The following BCAM variants were observed in gnomAD, a reference collection of about 807,000 sequenced individuals.
The protein encoded by BCAM is basal cell adhesion molecule.
In BCAM, 61 loss-of-function variants were observed where a neutral mutation model predicts 72.4. The observed-to-expected ratio is 0.84, with a 90% confidence interval of 0.69 to 1.04. The LOEUF is 1.04. Ranked by LOEUF, BCAM falls within the 50% of genes least tolerant of loss-of-function variation. BCAM has a pLI of 0.00. For synonymous variants in BCAM, 408 were observed against 384.2 expected (o/e 1.06, Z -0.73); for missense variants, 909 against 895.0 (o/e 1.02, Z -0.20).
In BCAM at chr19:44,820,708, GC is replaced by G; in HGVS notation, c.1769del (p.Pro590GlnfsTer6). ...GCCCGCTGCCTCCTCCCCCCAGGCCGCCAGGGGAGCCAGGGCTGAGCCACTC... is the reference window on the plus strand; with the variant it reads ...GCCCGCTGCCTCCTCCCCCCAGGCCGCAGGGGAGCCAGGGCTGAGCCACTC... ...RQRREKGAPP[P>X]GEPGLSHSGS... On this transcript the variant is annotated frameshift_variant, in exon 14 of 15. Coordinates refer to ENST00000270233, the MANE Select transcript of BCAM (RefSeq NM_005581.5). LOFTEE classifies it high-confidence loss of function. 7.2e-7 allele frequency: 1 copy of G among 1,380,532 alleles called. No homozygotes were observed. The highest frequency in any genetic ancestry group is 1.8e-5 in the South Asian group (1 of 55,418). 85.5% of individuals were successfully genotyped at this position (1,380,532 alleles called of 1,614,324 possible). A position where few individuals can be genotyped will look rare whatever the true frequency, so the allele number is the denominator to read the frequency against.
chr19:44,811,205 G>A lies in BCAM; in HGVS notation c.83-20G>A, dbSNP rs1968414327. The A allele has an allele frequency of 1.9e-6, 3 of 1,611,406 alleles. No individual in the cohort carries two copies. The highest frequency in any genetic ancestry group is 2.5e-6 in the Non-Finnish European group (3 of 1,179,656). On this transcript the variant is annotated intron_variant, in intron 1 of 14. Coordinates refer to ENST00000270233, the MANE Select transcript of BCAM (RefSeq NM_005581.5). ...CTTCCTGTTGGTGTGGTGGATGATA[G>A]CTCAGTTGCTCTCTTGCAGATGCCC...
Position 44,818,473 on chromosome 19 carries a change from TTGAG to T in BCAM, c.1079-46_1079-43del. 6.5e-7 allele frequency: 1 copy of T among 1,538,000 alleles called. No homozygotes were observed. Among genetic ancestry groups the T allele is most frequent in the South Asian group, 1.1e-5 (1 of 88,036 alleles). On this transcript the variant is annotated intron_variant, in intron 8 of 14. Coordinates refer to ENST00000270233, the MANE Select transcript of BCAM (RefSeq NM_005581.5). This position sits in a 1 kb window ranked among gnomAD's most constrained non-coding sequence, Gnocchi z 4.6. ...CCGACCGCCCCTGGAGAGCCCCTAA[TTGAG>T]TGGGTGGCGGTCTGGGACGAGTGAC...
In BCAM at chr19:44,818,083, A is replaced by G. The variant is rs1234106334; in HGVS notation, c.1079-439A>G. ...CAAGACAGGAGGATCACTTGAGGCC[A>G]GGAGTTTGAGACCCAGCCTGGCCAA... On this transcript the variant is annotated intron_variant, in intron 8 of 14. Transcript: ENST00000270233. The surrounding 1 kb of genome is among the most constrained non-coding windows in gnomAD (Gnocchi z 4.6). Among the ~76,000 whole-genome samples the G allele has an allele frequency of 6.6e-6, 1 of 152,198 alleles. No individual in the cohort carries two copies. The highest frequency in any genetic ancestry group is 1.5e-5 in the Non-Finnish European group (1 of 68,026).
At position 44,809,154 on chromosome 19, in the gene BCAM, G is replaced by A. The variant is rs749242205; in HGVS notation, c.30G>A (p.Ala10=). The A allele has an allele frequency of 1.4e-6, 2 of 1,473,062 alleles. No individual in the cohort carries two copies. The highest frequency in any genetic ancestry group is 2.3e-5 in the Admixed American group (1 of 42,706). The allele number at this position is 1,473,062 out of a possible 1,614,324, so 91.2% of individuals were successfully genotyped here. Residue 10 remains alanine (A), a synonymous_variant, in exon 1 of 15, where the codon GCG becomes GCA. Coordinates refer to ENST00000270233, the MANE Select transcript of BCAM (RefSeq NM_005581.5). Reference sequence around the variant, plus strand: ...AGCCCCCGGACGCACCGGCCCAGGCGCGCGGGGCCCCGCGGCTGCTGTTGC... The same window carrying A: ...AGCCCCCGGACGCACCGGCCCAGGCACGCGGGGCCCCGCGGCTGCTGTTGC... The part of the protein sequence containing the change: MEPPDAPAQ[A]RGAPRLLLLA...
chr19:44,820,057 T>G, intron 13 of BCAM: 1 of 1,181,166 alleles, frequency 8.5e-7, no homozygotes. Context: ...CCCAACTCCA[T>G]GCCTGTCTCC....
In BCAM at chr19:44,819,077, C is replaced by T. The variant is rs766822712; in HGVS notation, c.1358C>T (p.Ala453Val). 3.0e-5 allele frequency: 48 copies of T among 1,613,902 alleles called. No individual in the cohort carries two copies. The highest frequency in any genetic ancestry group is 2.2e-4 in the South Asian group (20 of 91,078). The change falls in exon 11 of 15, where the codon GCG (alanine) becomes GTG (valine). Residue 453 changes from alanine (A) to valine (V), a missense_variant. Ala to Val is a moderately conservative substitution (Grantham distance 64). Coordinates refer to ENST00000270233, the MANE Select transcript of BCAM (RefSeq NM_005581.5). ...ACAGGCTCGCCAGAGCTAAAGACAG[C>T]GGAAATAGAGCCCAAGGCAGATGGC... is the stretch of plus-strand genomic sequence containing the variant. ...LVQGSPELKT[A>V]EIEPKADGSW...
At chr19:44,816,676 C>T (rs1968506948) in intron 8 of BCAM, among the ~76,000 whole-genome samples, 1 of 152,074 alleles carries the variant, frequency 6.6e-6, no homozygotes, top group Non-Finnish European at 1.5e-5. Flanking sequence ...CAGTGGCTCA[C>T]ACCTGTAATC....
At chr19:44,809,885 G>T (rs1483893094) in intron 1 of BCAM, among the ~76,000 whole-genome samples, 2 of 150,274 alleles carry the variant, frequency 1.3e-5, no homozygotes, top group African/African-American at 4.9e-5. Flanking sequence ...GGGGGTGGGG[G>T]TGCTGGGGAC....
Position 44,812,502 on chromosome 19 carries a change from C to A in BCAM, c.458C>A (p.Ser153Tyr). ...VFAKPEATEV[S>Y]PNKGTLSVME... ...GCAAAGCCAGAGGCCACTGAGGTCT[C>A]CCCCAACAAAGGGACACTGTCTGTG... The change falls in exon 4 of 15, where the codon TCC (serine) becomes TAC (tyrosine). Residue 153 changes from serine to tyrosine, a missense_variant. Transcript: ENST00000270233. The surrounding 1 kb of genome is among the most constrained non-coding windows in gnomAD (Gnocchi z 5.3). The A allele has an allele frequency of 6.2e-7, 1 of 1,614,232 alleles. No individual in the cohort carries two copies. The highest frequency in any genetic ancestry group is 8.5e-7 in the Non-Finnish European group (1 of 1,180,046).
rs146875539 is a variant in BCAM, at chr19:44,816,564, G to A, written c.1078+1804G>A. Among the ~76,000 whole-genome samples, 62 of 152,226 alleles carry A rather than the reference G, an allele frequency of 4.1e-4. 1 individual carries two copies. The highest frequency in any genetic ancestry group is 1.3e-3 in the African/African-American group (52 of 41,502). On this transcript the variant is annotated intron_variant, in intron 8 of 14. Transcript: ENST00000270233. ...AGCAGCTGGTGGAATAAGTCCTTCC[G>A]TGCTGTAGGAAAGATCTGGGTGTCC...
At position 44,812,008 on chromosome 19, in the gene BCAM, G is replaced by A. The variant is rs757998317; in HGVS notation, c.205-155G>A. The A allele has an allele frequency of 5.8e-5, 41 of 707,244 alleles. No individual in the cohort carries two copies. Among genetic ancestry groups the A allele is most frequent in the Admixed American group, 8.6e-5 (3 of 34,942 alleles). 43.8% of individuals were successfully genotyped at this position (707,244 alleles called of 1,614,324 possible). On this transcript the variant is annotated intron_variant, in intron 2 of 14. Coordinates refer to ENST00000270233, the MANE Select transcript of BCAM (RefSeq NM_005581.5). This position sits in a 1 kb window ranked among gnomAD's most constrained non-coding sequence, Gnocchi z 5.3. ...AAATCAAGAACTGATAGGGAATGGG[G>A]GCAGGAGAAGGTGGGGAGGGACAGA...
Position 44,818,522 on chromosome 19 carries a change from A to G in BCAM, c.1079A>G (p.Tyr360Cys). Residue 360 changes from tyrosine to cysteine, a missense_variant and splice_region_variant, in exon 9 of 15, where the codon TAT becomes TGT. Physicochemically the swap from Tyr to Cys is radical, Grantham distance 194. Transcript: ENST00000270233. The surrounding 1 kb of genome is among the most constrained non-coding windows in gnomAD (Gnocchi z 4.6). ...AGTGACAGACTGTCCCCCACTGCAG[A>G]TCTGGACCCCCTGGAGCTCAGCGAG... ...LSKTLELRVAYLDPLELSEGK... is the reference protein window; with the variant it reads ...LSKTLELRVACLDPLELSEGK... The G allele has an allele frequency of 6.2e-7, 1 of 1,613,516 alleles. No individual in the cohort carries two copies. Among genetic ancestry groups the G allele is most frequent in the Non-Finnish European group, 8.5e-7 (1 of 1,179,722 alleles).
At chr19:44,819,777 C>T (rs372961399) in intron 13 of BCAM, 51 bp downstream of exon 13, 191 of 1,515,736 alleles carry the variant, frequency 1.3e-4, no homozygotes, top group Non-Finnish European at 1.6e-4. Flanking sequence ...CCCATCCCCA[C>T]CCTCAACCCC....
chr19:44,815,253 C>A (rs1968489818), intron 8 of BCAM, among the ~76,000 whole-genome samples: 1 of 152,188 alleles, frequency 6.6e-6, no homozygotes, highest in Non-Finnish European at 1.5e-5. Flanking sequence ...CACTGCCCAT[C>A]CTTCCTACCG....
At position 44,812,264 on chromosome 19, in the gene BCAM, C is replaced by T. The variant is rs1968432956; in HGVS notation, c.306C>T (p.Tyr102=). 2.5e-6 allele frequency: 4 copies of T among 1,610,410 alleles called. No individual in the cohort carries two copies. Among genetic ancestry groups the T allele is most frequent in the Non-Finnish European group, 3.4e-6 (4 of 1,178,042 alleles). ...MHDTRGRSPP[Y]QLDSQGRLVL... ...ACACCCGGGGCCGCAGTCCCCCATA[C>T]CAGCTGGACTCCCAGGGGCGCCTGG... Residue 102 remains tyrosine (Y), a synonymous_variant, in exon 3 of 15, where the codon TAC becomes TAT. Transcript: ENST00000270233. This position sits in a 1 kb window ranked among gnomAD's most constrained non-coding sequence, Gnocchi z 5.3.
rs1042886731 is a variant in BCAM, at chr19:44,813,741, A to C, written c.784+121A>C. The stretch of plus-strand genomic sequence containing the variant: ...CTGCCTCCCTACTTCATGCTAAAAA[A>C]AAATGTGCTAGTGCTGGCCACTGAC... On this transcript the variant is annotated intron_variant, in intron 6 of 14. Coordinates refer to ENST00000270233, the MANE Select transcript of BCAM (RefSeq NM_005581.5). The surrounding 1 kb of genome is among the most constrained non-coding windows in gnomAD (Gnocchi z 4.2). 5.2e-5 allele frequency: 71 copies of C among 1,371,736 alleles called. No homozygotes were observed. The highest frequency in any genetic ancestry group is 1.6e-5 in the Non-Finnish European group (16 of 1,025,238). 85.0% of individuals were successfully genotyped at this position (1,371,736 alleles called of 1,614,324 possible).
rs1406068853 is a variant in BCAM at position 44,814,241 on chromosome 19, C to CG, written c.880dup (p.Asp294GlyfsTer16). On this transcript the variant is annotated frameshift_variant, in exon 7 of 15. Transcript: ENST00000270233. LOFTEE classifies it high-confidence loss of function. This position sits in a 1 kb window ranked among gnomAD's most constrained non-coding sequence, Gnocchi z 4.6. ...GGGTGACACTGTCCAGCTGCTCTGCCGGGGGGACGGCAGCCCCAGCCCGGA... is the reference window on the plus strand; with the variant it reads ...GGGTGACACTGTCCAGCTGCTCTGCCGGGGGGGACGGCAGCCCCAGCCCGGA... 3.1e-6 allele frequency: 5 copies of CG among 1,590,140 alleles called. No homozygotes were observed. Among genetic ancestry groups the CG allele is most frequent in the African/African-American group, 1.4e-5 (1 of 73,786 alleles).
In BCAM at chr19:44,814,166, G is replaced by C; in HGVS notation, c.799G>C (p.Val267Leu). The change falls in exon 7 of 15, where the codon GTG becomes CTG. Residue 267 changes from valine to leucine, a missense_variant. Transcript: ENST00000270233. The surrounding 1 kb of genome is among the most constrained non-coding windows in gnomAD (Gnocchi z 4.6). ...CCTTCCCTTAGATCCCACGGAGCAC[G>C]TGCAGTTCTGGGTGGGCAGCCCGTC... ...HLTLHYPTEH[V>L]QFWVGSPSTP... 2 of 1,584,826 alleles carry C rather than the reference G, an allele frequency of 1.3e-6. No individual in the cohort carries two copies. The highest frequency in any genetic ancestry group is 1.8e-5 in the Admixed American group (1 of 55,438).
chr19:44,814,237 C>A lies in BCAM; in HGVS notation c.870C>A (p.Leu290=). Residue 290 remains leucine (L), a synonymous_variant, in exon 7 of 15, where the codon CTC becomes CTA. Coordinates refer to ENST00000270233, the MANE Select transcript of BCAM (RefSeq NM_005581.5). This position sits in a 1 kb window ranked among gnomAD's most constrained non-coding sequence, Gnocchi z 4.6. Reference sequence around the variant, plus strand: ...GCGAGGGTGACACTGTCCAGCTGCTCTGCCGGGGGGACGGCAGCCCCAGCC... The same window carrying A: ...GCGAGGGTGACACTGTCCAGCTGCTATGCCGGGGGGACGGCAGCCCCAGCC... The part of the protein sequence containing the change: ...WVREGDTVQL[L]CRGDGSPSPE... 1 of 1,589,090 alleles carries A rather than the reference C, an allele frequency of 6.3e-7. No homozygotes were observed. Among genetic ancestry groups the A allele is most frequent in the Non-Finnish European group, 8.5e-7 (1 of 1,173,782 alleles).
Sources: allele counts gnomAD v4.1 joint callset (sites outside exome capture counted in the v4.1 genomes callset), GRCh38; gene constraint gnomAD v4.1.1; non-coding constraint Gnocchi (gnomAD v3.1); transcripts MANE v1.5; gene names NCBI Gene and HGNC (gene_info 2026-07-23, HGNC 2026-07-21).